The following GARRE1 variants were observed in gnomAD, a reference collection of about 807,000 sequenced individuals.
The protein encoded by GARRE1 is granule associated Rac and RHOG effector 1, also known as granule associated Rac and RHOG effector protein 1.
In GARRE1, 49 loss-of-function variants were observed where a neutral mutation model predicts 103.2. The ratio of observed to expected loss-of-function variants is 0.47; its 90% CI spans 0.38 to 0.60. GARRE1 has a LOEUF of 0.60. Ranked by LOEUF, GARRE1 falls within the 20% of genes least tolerant of loss-of-function variation. The probability of loss-of-function intolerance (pLI) is 0.00; values close to 1 mark genes in which losing one functional copy is unlikely to be tolerated. For missense variants in GARRE1, 1,199 were observed against 1,370.5 expected, an observed-to-expected ratio of 0.87 and a Z score of 1.98; for synonymous variants, 505 against 532.8, an observed-to-expected ratio of 0.95 and a Z score of 0.72.
intron 6 of GARRE1, among the ~76,000 whole-genome samples, chr19:34,328,486 G>A (rs963943617): frequency 8.7e-5 from 13 of 148,740 alleles, no homozygotes; most frequent in East Asian, 5.9e-4. Flanking sequence ...CTGAGATTGC[G>A]CCATTGCACT....
chr19:34,341,411 T>G lies in GARRE1; in HGVS notation c.1488-11T>G. On this transcript the variant is annotated splice_polypyrimidine_tract_variant and intron_variant, in intron 9 of 13. Coordinates refer to ENST00000299505, the MANE Select transcript of GARRE1 (RefSeq NM_014686.5). ...TCTTTTTTTTTTTTAAACAAATTTC[T>G]GTTTAAATAGGGAGCAAGCTTTACC... is the stretch of plus-strand genomic sequence containing the variant. 1 of 1,588,310 alleles carries G rather than the reference T, an allele frequency of 6.3e-7. No homozygotes were observed. The highest frequency in any genetic ancestry group is 8.5e-7 in the Non-Finnish European group (1 of 1,171,070).
intron 10 of GARRE1, among the ~76,000 whole-genome samples, chr19:34,346,888 G>T (rs2074213888): frequency 6.6e-6 from 1 of 152,048 alleles, no homozygotes; most frequent in African/African-American, 2.4e-5. Context: ...AAAGTGCTGG[G>T]ATTACAGGTG....
In GARRE1 at chr19:34,355,388, G is replaced by A. The variant is rs894036689; in HGVS notation, c.*2433G>A. The A allele has an allele frequency of 2.6e-5, 4 of 152,704 alleles. No homozygotes were observed. The highest frequency in any genetic ancestry group is 5.9e-5 in the Non-Finnish European group (4 of 68,076). 9.5% of individuals were successfully genotyped at this position (152,704 alleles called of 1,614,324 possible). A position where few individuals can be genotyped will look rare whatever the true frequency, so the allele number is the denominator to read the frequency against. On this transcript the variant is annotated 3_prime_UTR_variant, in exon 14 of 14. Transcript: ENST00000299505. ...GGGTCTCGCCAAAGCGCATGTGTGT[G>A]CATGTGTGAACGTGTGTGTCCTTTG...
At chr19:34,304,774 T>A (rs1295449164) in intron 2 of GARRE1, among the ~76,000 whole-genome samples, 1 of 151,548 alleles carries the variant, frequency 6.6e-6, no homozygotes, top group Non-Finnish European at 1.5e-5. Context: ...TAATTTTATT[T>A]TTATTTTTAT....
At chr19:34,305,434 C>A (rs1220036465) in intron 2 of GARRE1, among the ~76,000 whole-genome samples, 1 of 152,202 alleles carries the variant, frequency 6.6e-6, no homozygotes, top group Non-Finnish European at 1.5e-5. Flanking sequence ...ACAGCTGTCA[C>A]CCCATGATGA....
intron 2 of GARRE1, among the ~76,000 whole-genome samples, chr19:34,308,238 C>CTT (rs753284001): frequency 1.6e-3 from 161 of 99,432 alleles, no homozygotes; most frequent in East Asian, 1.9e-3. Context: ...CATCCTGTTC[C>CTT]TTTTTTTTTT....
chr19:34,324,318 G>A (rs568601808), intron 3 of GARRE1, among the ~76,000 whole-genome samples: 4 of 152,150 alleles, frequency 2.6e-5, no homozygotes, highest in African/African-American at 7.2e-5. Flanking sequence ...TGCACCTTGT[G>A]GCTCCTTACT....
At chr19:34,312,665 G>A (rs563843518) in intron 2 of GARRE1, among the ~76,000 whole-genome samples, 20 of 152,186 alleles carry the variant, frequency 1.3e-4, no homozygotes, top group Non-Finnish European at 2.2e-4. Flanking sequence ...GGTGGCTCAT[G>A]CCTGTAATCC....
chr19:34,296,892 C>G (rs1374271820), intron 1 of GARRE1, among the ~76,000 whole-genome samples: 1 of 152,086 alleles, frequency 6.6e-6, no homozygotes, highest in Admixed American at 6.6e-5. Context: ...GATGTTCTCA[C>G]CTTGGCCACC....
Position 34,347,869 on chromosome 19 carries a change from C to A in GARRE1, c.2522-8C>A. The A allele has an allele frequency of 6.5e-7, 1 of 1,536,356 alleles. No individual in the cohort carries two copies. The highest frequency in any genetic ancestry group is 1.2e-5 in the South Asian group (1 of 82,276). On this transcript the variant is annotated splice_polypyrimidine_tract_variant and splice_region_variant and intron_variant, in intron 10 of 13. Coordinates refer to ENST00000299505, the MANE Select transcript of GARRE1 (RefSeq NM_014686.5). ...CCAAACCCGGTTTATTCCTTTGTCCCAATGCAGTGGGCTCAGACCCAGAGT... is the reference window on the plus strand; with the variant it reads ...CCAAACCCGGTTTATTCCTTTGTCCAAATGCAGTGGGCTCAGACCCAGAGT...
At chr19:34,298,967 G>C (rs2073962644) in intron 1 of GARRE1, among the ~76,000 whole-genome samples, 1 of 152,110 alleles carries the variant, frequency 6.6e-6, no homozygotes, top group Non-Finnish European at 1.5e-5. Flanking sequence ...ACCTTGCCAG[G>C]CTCCCGCTCT....
At chr19:34,332,616 G>T (rs1376448371) in intron 7 of GARRE1, among the ~76,000 whole-genome samples, 3 of 152,158 alleles carry the variant, frequency 2.0e-5, no homozygotes, top group Non-Finnish European at 4.4e-5. Context: ...TCCTTTGACA[G>T]GAAGTTTTTT....
At chr19:34,255,202 G>T (rs372022433) in intron 1 of GARRE1, among the ~76,000 whole-genome samples, 14 of 152,278 alleles carry the variant, frequency 9.2e-5, no homozygotes, top group Admixed American at 6.5e-4. Flanking sequence ...CGCGGGGACC[G>T]GGAGGGCCGG....
At chr19:34,338,309 G>C (rs978976728) in intron 8 of GARRE1, among the ~76,000 whole-genome samples, 1 of 152,162 alleles carries the variant, frequency 6.6e-6, no homozygotes, top group Non-Finnish European at 1.5e-5. Context: ...GCTGAGGCAG[G>C]AGGATCACCT....
rs537778864 is a variant in GARRE1, at chr19:34,296,354, G to A, written c.-795-3325G>A. 145 of 1,172,288 alleles carry A rather than the reference G, an allele frequency of 1.2e-4. 2 individuals are homozygous for A. Among genetic ancestry groups the A allele is most frequent in the Middle Eastern group, 5.7e-4 (2 of 3,538 alleles). 72.6% of individuals were successfully genotyped at this position (1,172,288 alleles called of 1,614,324 possible). On this transcript the variant is annotated intron_variant, in intron 1 of 13. Transcript: ENST00000299505. ...CTGAAGCTGGAGCTGCAGTCTGGGC[G>A]CTGATTTGATCCTTGGCCTTGGCCT... is the stretch of plus-strand genomic sequence containing the variant.
At chr19:34,324,539 T>G (rs2074103407) in intron 3 of GARRE1, among the ~76,000 whole-genome samples, 1 of 151,452 alleles carries the variant, frequency 6.6e-6, no homozygotes, top group Admixed American at 6.6e-5. Flanking sequence ...GGTCTTGCTC[T>G]GTTGCCCAGG....
chr19:34,264,426 T>TA (rs1234191892), intron 1 of GARRE1, among the ~76,000 whole-genome samples: 9 of 149,152 alleles, frequency 6.0e-5, no homozygotes, highest in African/African-American at 2.2e-4. Flanking sequence ...GGGGACGGAG[T>TA]CTTGCTCTGT....
chr19:34,268,639 T>C (rs1870859076), intron 1 of GARRE1, among the ~76,000 whole-genome samples: 1 of 152,104 alleles, frequency 6.6e-6, no homozygotes, highest in South Asian at 2.1e-4. Flanking sequence ...GATTTTTTTT[T>C]TTCATTAAAT....
intron 10 of GARRE1, among the ~76,000 whole-genome samples, chr19:34,343,309 T>C (rs2074195753): frequency 6.6e-6 from 1 of 151,398 alleles, no homozygotes; most frequent in Admixed American, 6.6e-5. Flanking sequence ...TAAACAAAAT[T>C]AGCTGGGTGT....
Sources: gnomAD v4.1 joint callset for allele counts (sites outside exome capture counted in the v4.1 genomes callset) on GRCh38, gnomAD v4.1.1 for gene constraint, MANE v1.5 for transcripts, NCBI Gene and HGNC (gene_info 2026-07-23, HGNC 2026-07-21) for gene names.